Variants in MAPK6 observed in about 807,000 individuals in gnomAD.
MAPK6 encodes ERK-3.
In MAPK6, 19 loss-of-function variants were observed where a neutral mutation model predicts 59.3. The observed-to-expected ratio is 0.32, with a 90% CI of 0.22 to 0.47. MAPK6 has a LOEUF of 0.47. MAPK6 is among the 20% of genes least tolerant of loss of function. The probability of loss-of-function intolerance (pLI) is 1.00; values close to 1 mark genes in which losing one functional copy is unlikely to be tolerated. For synonymous variants in MAPK6, 316 were observed against 290.3 expected, an observed-to-expected ratio of 1.09 and a Z score of -0.90; for missense variants, 724 against 847.9, an observed-to-expected ratio of 0.85 and a Z score of 1.81.
intron 2 of MAPK6, among the ~76,000 whole-genome samples, chr15:51,992,761 T>C (rs2057213717): frequency 6.6e-6 from 1 of 152,142 alleles, no homozygotes; most frequent in Non-Finnish European, 1.5e-5. Flanking sequence ...TTTACTTATG[T>C]TTACCAATTT....
At chr15:52,034,766 C>G (rs147117116) in intron 1 of MAPK6, among the ~76,000 whole-genome samples, 1 of 152,128 alleles carries the variant, frequency 6.6e-6, no homozygotes, top group African/African-American at 2.4e-5. Flanking sequence ...GGTGTGATCT[C>G]AGCTCACTAC....
chr15:52,029,596 C>G (rs1424105669), intron 1 of MAPK6, among the ~76,000 whole-genome samples: 1 of 152,142 alleles, frequency 6.6e-6, no homozygotes, highest in Non-Finnish European at 1.5e-5. Flanking sequence ...CTAAATATAC[C>G]TAACATGTCC....
chr15:52,022,937 G>A lies in MAPK6; in HGVS notation c.-632+3561G>A, dbSNP rs559999461. Among the ~76,000 whole-genome samples the A allele has an allele frequency of 5.3e-5, 8 of 151,714 alleles. No homozygotes were observed. The South Asian group carries it at 1.2e-3, about 24-fold the overall frequency. ...ATCCTGGCCAACATGGTGAAACCCCGTCTCTAATAAAATACAAAAATTAGC... is the reference window on the plus strand; with the variant it reads ...ATCCTGGCCAACATGGTGAAACCCCATCTCTAATAAAATACAAAAATTAGC... On this transcript the variant is annotated intron_variant, in intron 1 of 5. Transcript: ENST00000261845.
chr15:51,973,588 C>G (rs2057146837), intron 1 of MAPK6, among the ~76,000 whole-genome samples: 1 of 151,832 alleles, frequency 6.6e-6, no homozygotes, highest in Non-Finnish European at 1.5e-5. Flanking sequence ...ACGTGTTTTT[C>G]CCATATGAAT....
At chr15:52,022,334 C>G (rs1044341593) in intron 1 of MAPK6, among the ~76,000 whole-genome samples, 1 of 152,154 alleles carries the variant, frequency 6.6e-6, no homozygotes, top group African/African-American at 2.4e-5. Context: ...GATCACTGTT[C>G]ACTGCAACCT....
At chr15:52,016,253 G>A (rs1454581665), upstream of MAPK6, among the ~76,000 whole-genome samples, 1 of 151,408 alleles carries the variant, frequency 6.6e-6, no homozygotes, top group Non-Finnish European at 1.5e-5. Context: ...AGCTGGGCAT[G>A]TGGTGCACAC....
At position 51,989,004 on chromosome 15, in the gene MAPK6, C is replaced by T. The variant is rs137971743; in HGVS notation, c.-770+5689C>T. Among the ~76,000 whole-genome samples the T allele has an allele frequency of 2.6e-5, 4 of 151,970 alleles. No individual in the cohort carries two copies. In the East Asian group the frequency reaches 7.7e-4, roughly 29 times the overall value. On this transcript the variant is annotated intron_variant, in intron 2 of 7. Transcript: ENST00000691380. The stretch of plus-strand genomic sequence containing the variant: ...CTATCAAATTTCCCTTTGCCTCCGT[C>T]TTCTAAGGACATATGTAATTCCAGT...
At chr15:51,971,862 A>C in exon 1 of MAPK6, 2 of 1,115,192 alleles carry the variant, frequency 1.8e-6, no homozygotes, top group Non-Finnish European at 2.7e-6. Context: ...TCCTTTCCTT[A>C]CGTGACCTAG....
intron 5 of MAPK6, among the ~76,000 whole-genome samples, chr15:52,062,698 G>A (rs1359193540): frequency 6.6e-6 from 1 of 152,182 alleles, no homozygotes; most frequent in African/African-American, 2.4e-5. Context: ...CTGGGAGGCA[G>A]CAGTTGCAGT....
chr15:52,043,833 ACTGCAACCTCTACCTCC>A (rs1303299461), intron 1 of MAPK6, among the ~76,000 whole-genome samples: 23 of 126,592 alleles, frequency 1.8e-4, no homozygotes, highest in African/African-American at 4.9e-4. Flanking sequence ...ATCTCGGCTC[ACTGCAACCTCTACCTCC>A]CTGCAACCTC....
upstream of MAPK6, among the ~76,000 whole-genome samples, chr15:52,015,420 T>C (rs192520977): frequency 3.3e-5 from 5 of 152,104 alleles, no homozygotes; most frequent in East Asian, 9.7e-4. Context: ...GTACTGGGAT[T>C]ACAGGCCTGA....
At chr15:52,051,278 C>T (rs1026457606) in intron 3 of MAPK6, among the ~76,000 whole-genome samples, 1 of 151,980 alleles carries the variant, frequency 6.6e-6, no homozygotes, top group African/African-American at 2.4e-5. Flanking sequence ...AGGATGGTCT[C>T]GATCTCCTGA....
exon 2 of MAPK6, among the ~76,000 whole-genome samples, chr15:51,983,253 A>G (rs1398408063): frequency 6.7e-6 from 1 of 149,102 alleles, no homozygotes; most frequent in East Asian, 2.0e-4. Flanking sequence ...TTGGGAGGCC[A>G]AGGTGGGCAG....
chr15:52,053,360 G>GCC (rs2031847608), intron 3 of MAPK6, among the ~76,000 whole-genome samples: 1 of 152,116 alleles, frequency 6.6e-6, no homozygotes. Flanking sequence ...ACAGGTGGGA[G>GCC]CCATTGCACC....
chr15:52,036,951 A>G (rs1420557774), intron 1 of MAPK6, among the ~76,000 whole-genome samples: 11 of 152,096 alleles, frequency 7.2e-5, no homozygotes, highest in Non-Finnish European at 1.2e-4. Flanking sequence ...AAAATGAGAA[A>G]TAAAGAGGAA....
chr15:52,061,681 G>A (rs551567914), intron 5 of MAPK6, among the ~76,000 whole-genome samples, 181 bp downstream of exon 5: 1 of 152,274 alleles, frequency 6.6e-6, no homozygotes, highest in South Asian at 2.1e-4. Flanking sequence ...CTTGGAGGCT[G>A]AGGCAGGAAA....
At chr15:52,055,416 C>G (rs539999394) in intron 3 of MAPK6, among the ~76,000 whole-genome samples, 1 of 152,310 alleles carries the variant, frequency 6.6e-6, no homozygotes, top group African/African-American at 2.4e-5. Flanking sequence ...AGAACAAAAA[C>G]AAATTTAAGT....
chr15:51,997,247 T>C (rs1239148897), intron 2 of MAPK6, among the ~76,000 whole-genome samples: 2 of 151,812 alleles, frequency 1.3e-5, no homozygotes, highest in African/African-American at 4.9e-5. Context: ...CCCAAAGTGC[T>C]GGGATTACAG....
intron 1 of MAPK6, among the ~76,000 whole-genome samples, chr15:52,037,931 A>C (rs1394515974): frequency 6.6e-6 from 1 of 152,188 alleles, no homozygotes; most frequent in African/African-American, 2.4e-5. Context: ...ACCTTTTATC[A>C]TAGACAAAGC....
Sources: gnomAD v4.1 joint callset for allele counts (sites outside exome capture counted in the v4.1 genomes callset) on GRCh38, gnomAD v4.1.1 for gene constraint, MANE v1.5 for transcripts, NCBI Gene and HGNC (gene_info 2026-07-23, HGNC 2026-07-21) for gene names.